Variants in FUT9 observed in about 807,000 individuals in gnomAD.
FUT9 encodes the protein 4-galactosyl-N-acetylglucosaminide 3-alpha-L-fucosyltransferase 9.
In FUT9, 15 loss-of-function variants were observed where a neutral mutation model predicts 29.7. The observed-to-expected ratio is 0.51, with a 90% CI of 0.34 to 0.78. The LOEUF (loss-of-function observed/expected upper bound fraction) is 0.78, where lower values mean the gene tolerates loss of function less well. Among genes scored for constraint, FUT9 ranks in the 30% least tolerant of loss-of-function variants. The pLI, the probability that FUT9 is intolerant of heterozygous loss-of-function variation, is 0.01. For synonymous variants in FUT9, 169 were observed against 153.7 expected, an observed-to-expected ratio of 1.10 and a Z score of -0.74; for missense variants, 319 against 425.4, an observed-to-expected ratio of 0.75 and a Z score of 2.20.
At chr6:96,052,160 C>T (rs1582195601) in intron 1 of FUT9, among the ~76,000 whole-genome samples, 1 of 152,098 alleles carries the variant, frequency 6.6e-6, no homozygotes, top group East Asian at 1.9e-4. Context: ...GGGAAAACCC[C>T]TTATAAAACC....
chr6:96,037,829 AT>A (rs1303168095), intron 1 of FUT9, among the ~76,000 whole-genome samples: 6 of 152,152 alleles, frequency 3.9e-5, no homozygotes, highest in Non-Finnish European at 8.8e-5. Flanking sequence ...TCTTAAAATA[AT>A]TACTGCAGTG....
At chr6:96,192,464 A>G (rs1420706317) in intron 2 of FUT9, among the ~76,000 whole-genome samples, 1 of 152,184 alleles carries the variant, frequency 6.6e-6, no homozygotes, top group Admixed American at 6.5e-5. Flanking sequence ...TGCTTCAAAC[A>G]GAATAAAATA....
intron 1 of FUT9, among the ~76,000 whole-genome samples, chr6:96,051,481 A>G (rs1421971813): frequency 6.6e-6 from 1 of 151,656 alleles, no homozygotes; most frequent in Non-Finnish European, 1.5e-5. Context: ...TGAGACCCCA[A>G]CTCTAAAAAA....
chr6:96,128,649 T>C (rs1161477450), intron 2 of FUT9, among the ~76,000 whole-genome samples: 3 of 152,170 alleles, frequency 2.0e-5, no homozygotes, highest in Non-Finnish European at 4.4e-5. Context: ...AAAACACTTG[T>C]ATGCACCACT....
chr6:96,176,150 A>T lies in FUT9; in HGVS notation c.-8-26998A>T, dbSNP rs148173801. Reference sequence around the variant, plus strand: ...CCTTGGACCGAGAGTTACATGGCCCACTCCCTGGTTCTCAGGCTTTGCACT... The same window carrying T: ...CCTTGGACCGAGAGTTACATGGCCCTCTCCCTGGTTCTCAGGCTTTGCACT... On this transcript the variant is annotated intron_variant, in intron 2 of 2. Coordinates refer to ENST00000302103, the MANE Select transcript of FUT9 (RefSeq NM_006581.4). Among the ~76,000 whole-genome samples, 9 of 151,822 alleles carry T rather than the reference A, an allele frequency of 5.9e-5. No homozygotes were observed. In the East Asian group the frequency reaches 1.7e-3, roughly 30 times the overall value.
intron 1 of FUT9, among the ~76,000 whole-genome samples, chr6:96,052,331 T>C (rs1770685579): frequency 6.6e-6 from 1 of 152,132 alleles, no homozygotes; most frequent in Non-Finnish European, 1.5e-5. Context: ...AGTCAAACCA[T>C]ATCAGAAAGT....
chr6:96,129,497 C>G (rs1582254241), intron 2 of FUT9, among the ~76,000 whole-genome samples: 1 of 151,840 alleles, frequency 6.6e-6, no homozygotes, highest in Non-Finnish European at 1.5e-5. Context: ...AAACTATTCA[C>G]TATAAAAAGC....
intron 2 of FUT9, among the ~76,000 whole-genome samples, chr6:96,146,091 A>C (rs1381272813): frequency 6.6e-6 from 1 of 152,040 alleles, no homozygotes; most frequent in African/African-American, 2.4e-5. Flanking sequence ...ACCCCACCTA[A>C]ACCTCCCAGA....
intron 1 of FUT9, among the ~76,000 whole-genome samples, chr6:96,062,177 CTTAA>C (rs1770886452): frequency 6.6e-6 from 1 of 150,996 alleles, no homozygotes; most frequent in Non-Finnish European, 1.5e-5. Context: ...TATCTCAGAA[CTTAA>C]ACTGTAATAA....
chr6:96,058,680 C>A (rs1219000212), intron 1 of FUT9, among the ~76,000 whole-genome samples: 1 of 152,048 alleles, frequency 6.6e-6, no homozygotes, highest in African/African-American at 2.4e-5. Context: ...GCAGTACCAA[C>A]CTTTGATAAT....
At chr6:96,036,217 A>G (rs990469076) in intron 1 of FUT9, among the ~76,000 whole-genome samples, 8 of 150,572 alleles carry the variant, frequency 5.3e-5, no homozygotes, top group Non-Finnish European at 1.0e-4. Flanking sequence ...TATAAATACT[A>G]AATAGCTTAA....
At chr6:96,091,465 T>C (rs1234621885) in intron 1 of FUT9, among the ~76,000 whole-genome samples, 5 of 152,070 alleles carry the variant, frequency 3.3e-5, no homozygotes. Flanking sequence ...AAGAAATCAG[T>C]TTTATCTTAG....
At chr6:96,093,747 C>A (rs1183616185) in intron 1 of FUT9, among the ~76,000 whole-genome samples, 2 of 152,094 alleles carry the variant, frequency 1.3e-5, no homozygotes, top group Non-Finnish European at 2.9e-5. Context: ...ACAAAATGAA[C>A]TTTTAAAATA....
At chr6:96,078,784 C>A (rs569072042) in intron 1 of FUT9, among the ~76,000 whole-genome samples, 53 of 152,170 alleles carry the variant, frequency 3.5e-4, no homozygotes, top group Non-Finnish European at 1.5e-4. Context: ...AAACAAAGGT[C>A]AAACAAAACT....
At chr6:96,051,232 A>G (rs1157387547) in intron 1 of FUT9, among the ~76,000 whole-genome samples, 1 of 152,146 alleles carries the variant, frequency 6.6e-6, no homozygotes, top group Non-Finnish European at 1.5e-5. Flanking sequence ...GCATGCTTTT[A>G]TAGGGCACTA....
intron 2 of FUT9, among the ~76,000 whole-genome samples, chr6:96,184,920 G>A (rs1773377385): frequency 6.6e-6 from 1 of 151,944 alleles, no homozygotes; most frequent in African/African-American, 2.4e-5. Context: ...TTTACAGTAA[G>A]CAATTCTAAA....
Position 96,210,982 on chromosome 6 carries a change from A to G in FUT9, c.*6747A>G, listed in dbSNP as rs920781640. Reference sequence around the variant, plus strand: ...GATATGTGTTCAAGTGTTATCTTTTATTCTTATAAAAGATAATTGTGAGGA... The same window carrying G: ...GATATGTGTTCAAGTGTTATCTTTTGTTCTTATAAAAGATAATTGTGAGGA... On this transcript the variant is annotated 3_prime_UTR_variant, in exon 3 of 3. Coordinates refer to ENST00000302103, the MANE Select transcript of FUT9 (RefSeq NM_006581.4). 1 of 166,888 alleles carries G rather than the reference A, an allele frequency of 6.0e-6. No individual in the cohort carries two copies. The highest frequency in any genetic ancestry group is 1.5e-5 in the Non-Finnish European group (1 of 68,000). 10.3% of individuals were successfully genotyped at this position (166,888 alleles called of 1,614,324 possible).
intron 1 of FUT9, among the ~76,000 whole-genome samples, chr6:96,096,052 T>A (rs1254899596): frequency 6.6e-6 from 1 of 152,162 alleles, no homozygotes; most frequent in Non-Finnish European, 1.5e-5. Context: ...AACTTGTGAA[T>A]CATATATCCA....
chr6:96,054,704 G>C (rs894731121), intron 1 of FUT9, among the ~76,000 whole-genome samples: 4 of 152,158 alleles, frequency 2.6e-5, no homozygotes, highest in Non-Finnish European at 5.9e-5. Flanking sequence ...GCACATGGAA[G>C]AGCCCTAACC....
Sources: gnomAD v4.1 joint callset for allele counts (sites outside exome capture counted in the v4.1 genomes callset) on GRCh38, gnomAD v4.1.1 for gene constraint, MANE v1.5 for transcripts, NCBI Gene and HGNC (gene_info 2026-07-23, HGNC 2026-07-21) for gene names.